Variants in SNTG2 observed in about 807,000 individuals in gnomAD.
SNTG2 encodes syntrophin gamma 2.
In SNTG2, 74 loss-of-function variants were observed where a neutral mutation model predicts 70.9. That is an observed-to-expected ratio of 1.04 (90% CI 0.86 to 1.27). The LOEUF is 1.27. Among genes scored for constraint, SNTG2 ranks in the 50% most tolerant of loss-of-function variants. The pLI is 0.00. For synonymous variants in SNTG2, 278 were observed against 273.8 expected (o/e 1.02, Z -0.15); for missense variants, 717 against 690.7 (o/e 1.04, Z -0.43).
At chr2:1,204,333 A>G (rs1015222099) in intron 8 of SNTG2, among the ~76,000 whole-genome samples, 3 of 152,206 alleles carry the variant, frequency 2.0e-5, no homozygotes, top group Non-Finnish European at 4.4e-5. Context: ...CAAACAAAAA[A>G]AGTGCAAAGC....
chr2:1,008,336 G>A (rs2147994778), intron 1 of SNTG2, among the ~76,000 whole-genome samples: 1 of 152,164 alleles, frequency 6.6e-6, no homozygotes, highest in African/African-American at 2.4e-5. Context: ...TTTCACATGA[G>A]CAAACTAGTA....
chr2:983,792 C>T (rs1413589194), intron 1 of SNTG2, among the ~76,000 whole-genome samples: 1 of 152,216 alleles, frequency 6.6e-6, no homozygotes, highest in East Asian at 1.9e-4. Context: ...AGACATACTT[C>T]TCACTTGTGG....
At chr2:1,140,555 G>T (rs980377583) in intron 6 of SNTG2, among the ~76,000 whole-genome samples, 1 of 152,250 alleles carries the variant, frequency 6.6e-6, no homozygotes, top group Non-Finnish European at 1.5e-5. Flanking sequence ...GATCCCGAGT[G>T]AGGCGCTCTG....
rs1558176122 is a variant in SNTG2, at chr2:1,281,396, T to TG, written c.1284+13825_1284+13826insG. Among the ~76,000 whole-genome samples, 7 of 5,412 alleles carry TG rather than the reference T, an allele frequency of 1.3e-3. 1 individual carries two copies. The highest frequency in any genetic ancestry group is 5.3e-3 in the Admixed American group (3 of 570). The allele number at this position is 5,412 out of a possible 152,430, so 3.6% of individuals were successfully genotyped here. A position where few individuals can be genotyped will look rare whatever the true frequency, so the allele number is the denominator to read the frequency against. On this transcript the variant is annotated intron_variant, in intron 14 of 16. Coordinates refer to ENST00000308624, the MANE Select transcript of SNTG2 (RefSeq NM_018968.4). Reference sequence around the variant, plus strand: ...TGGTGTATGTGGTGTGTGGTGTGTGTTTATGTGGTGTGTTGTGTGTGTGTG... The same window carrying TG: ...TGGTGTATGTGGTGTGTGGTGTGTGTGTTATGTGGTGTGTTGTGTGTGTGTG...
At chr2:1,209,018 T>A (rs1673856777) in intron 8 of SNTG2, 85 bp from the exon 9 acceptor site, 1 of 1,531,778 alleles carries the variant, frequency 6.5e-7, no homozygotes, top group South Asian at 1.2e-5. Flanking sequence ...ACTTGAGTTC[T>A]GTGTTCCAGG....
At chr2:1,066,368 T>C (rs1055864228) in intron 1 of SNTG2, among the ~76,000 whole-genome samples, 9 of 152,028 alleles carry the variant, frequency 5.9e-5, no homozygotes, top group Admixed American at 5.9e-4. Context: ...TACAGTCACG[T>C]GTTGTTGTGA....
intron 15 of SNTG2, among the ~76,000 whole-genome samples, chr2:1,310,901 G>A (rs1323130741): frequency 6.6e-6 from 1 of 152,214 alleles, no homozygotes; most frequent in Non-Finnish European, 1.5e-5. Context: ...GGGTAAAGCA[G>A]CAGTGTTTTA....
At chr2:1,348,474 T>G (rs1434098788) in intron 16 of SNTG2, among the ~76,000 whole-genome samples, 2 of 152,250 alleles carry the variant, frequency 1.3e-5, no homozygotes, top group Non-Finnish European at 2.9e-5. Flanking sequence ...GTCTCCACAA[T>G]CCTTTATCTT....
intron 4 of SNTG2, among the ~76,000 whole-genome samples, chr2:1,105,117 G>A (rs928341261): frequency 6.6e-6 from 1 of 152,140 alleles, no homozygotes; most frequent in Non-Finnish European, 1.5e-5. Flanking sequence ...TCCCTTAGGG[G>A]AATGCAGGGG....
chr2:1,199,139 A>T (rs1227844806), intron 8 of SNTG2, among the ~76,000 whole-genome samples: 1 of 150,298 alleles, frequency 6.7e-6, no homozygotes, highest in African/African-American at 2.4e-5. Context: ...CAATAAAAAA[A>T]CTAGCAGACC....
intron 15 of SNTG2, among the ~76,000 whole-genome samples, chr2:1,310,059 G>A (rs1680903748): frequency 6.6e-6 from 1 of 152,252 alleles, no homozygotes; most frequent in African/African-American, 2.4e-5. Flanking sequence ...GCTTCTTAAA[G>A]AGAACACCTG....
chr2:953,162 G>C (rs995943303), intron 1 of SNTG2, among the ~76,000 whole-genome samples: 1 of 152,148 alleles, frequency 6.6e-6, no homozygotes, highest in Admixed American at 6.5e-5. Flanking sequence ...CCCCTTTCAA[G>C]TGCCTGTTCC....
At chr2:1,330,671 G>A (rs1659478272) in intron 16 of SNTG2, among the ~76,000 whole-genome samples, 1 of 152,158 alleles carries the variant, frequency 6.6e-6, no homozygotes, top group Non-Finnish European at 1.5e-5. Context: ...TTAAAATTGT[G>A]CATGCAAACA....
chr2:1,310,758 G>T (rs1680944744), intron 15 of SNTG2, among the ~76,000 whole-genome samples: 1 of 152,110 alleles, frequency 6.6e-6, no homozygotes, highest in Non-Finnish European at 1.5e-5. Flanking sequence ...CCGGGCTTGG[G>T]GCCTCATGGG....
chr2:1,058,741 C>T (rs1662622931), intron 1 of SNTG2, among the ~76,000 whole-genome samples: 1 of 152,210 alleles, frequency 6.6e-6, no homozygotes, highest in Admixed American at 6.5e-5. Flanking sequence ...TGTAGAGGCT[C>T]ATGGTTCATC....
At chr2:1,165,048 G>T (rs1266976816) in intron 6 of SNTG2, among the ~76,000 whole-genome samples, 2 of 152,198 alleles carry the variant, frequency 1.3e-5, no homozygotes, top group African/African-American at 4.8e-5. Context: ...GAAACAGTTT[G>T]TATAATTTGA....
intron 4 of SNTG2, among the ~76,000 whole-genome samples, chr2:1,136,460 CTTTG>C (rs1330077416): frequency 1.3e-5 from 2 of 151,954 alleles, no homozygotes; most frequent in East Asian, 1.9e-4. Flanking sequence ...CAAATGAGAA[CTTTG>C]TTTGGATCGC....
Position 1,272,208 on chromosome 2 carries a change from C to G in SNTG2, c.1284+4637C>G, listed in dbSNP as rs184605802. Among the ~76,000 whole-genome samples the G allele has an allele frequency of 5.0e-4, 75 of 150,702 alleles. 1 individual carries two copies. Among genetic ancestry groups the G allele is most frequent in the African/African-American group, 1.8e-3 (75 of 41,260 alleles). On this transcript the variant is annotated intron_variant, in intron 14 of 16. Transcript: ENST00000308624. ...CCATAATGCAGAATCAGTGAGGTCC[C>G]TGAGTTTGTGTTCCTGCAACTAGAC... is the stretch of plus-strand genomic sequence containing the variant.
chr2:1,326,548 A>G (rs781634706), intron 16 of SNTG2, among the ~76,000 whole-genome samples: 49 of 152,288 alleles, frequency 3.2e-4, no homozygotes, highest in Non-Finnish European at 6.9e-4. Flanking sequence ...AGTTTTCGAA[A>G]CAATTAACAG....
Sources: allele counts gnomAD v4.1 joint callset (sites outside exome capture counted in the v4.1 genomes callset), GRCh38; gene constraint gnomAD v4.1.1; transcripts MANE v1.5; gene names NCBI Gene and HGNC (gene_info 2026-07-23, HGNC 2026-07-21).